ARHGDIA: variants seen among roughly 807,000 people sequenced by gnomAD.
ARHGDIA encodes the protein rho GDP-dissociation inhibitor 1.
A neutral mutation model predicts 25.0 loss-of-function variants in ARHGDIA; 9 were observed. That is an observed-to-expected ratio of 0.36 (90% CI 0.22 to 0.63). The LOEUF (loss-of-function observed/expected upper bound fraction) is 0.63. Ranked by LOEUF, ARHGDIA falls within the 20% of genes least tolerant of loss-of-function variation. The pLI is 0.69. For synonymous variants in ARHGDIA, 166 were observed against 111.5 expected (o/e 1.49, Z -3.08); for missense variants, 239 against 264.3 (o/e 0.90, Z 0.66).
chr17:81,868,647 A>G lies in ARHGDIA; in HGVS notation c.*229T>C, dbSNP rs1488772782. On this transcript the variant is annotated 3_prime_UTR_variant, in exon 6 of 6. Coordinates refer to ENST00000269321, the MANE Select transcript of ARHGDIA (RefSeq NM_004309.6). ...GGCCTCTCTCCCCCACAGCACAGGC[A>G]GAAGCAGCAACGAGACAGGAGACCG... The G allele has an allele frequency of 6.5e-7, 1 of 1,535,190 alleles. No homozygotes were observed. Among genetic ancestry groups the G allele is most frequent in the African/African-American group, 1.4e-5 (1 of 73,026 alleles).
At chr17:81,869,687 G>C in intron 2 of ARHGDIA, 54 bp downstream of exon 2, 1 of 1,560,914 alleles carries the variant, frequency 6.4e-7, no homozygotes. Context: ...CTGGGGAGCG[G>C]CAAGACAGCT....
chr17:81,868,562 C>T lies in ARHGDIA; in HGVS notation c.*314G>A, dbSNP rs777514732. ...TCCGCTCCCTCCTGAAGCCAGGCCT[C>T]GGGTGTGACGGGGAGATAGAACCTG... is the stretch of plus-strand genomic sequence containing the variant. On this transcript the variant is annotated 3_prime_UTR_variant, in exon 6 of 6. Coordinates refer to ENST00000269321, the MANE Select transcript of ARHGDIA (RefSeq NM_004309.6). The T allele has an allele frequency of 2.5e-5, 39 of 1,534,806 alleles. No individual in the cohort carries two copies. Among genetic ancestry groups the T allele is most frequent in the African/African-American group, 4.1e-5 (3 of 73,004 alleles).
In ARHGDIA at chr17:81,869,835, C is replaced by T; in HGVS notation, c.96G>A (p.Gln32=). The T allele has an allele frequency of 6.2e-7, 1 of 1,614,148 alleles. No homozygotes were observed. Among genetic ancestry groups the T allele is most frequent in the South Asian group, 1.1e-5 (1 of 91,090 alleles). The change falls in exon 2 of 6, where the codon CAG becomes CAA. Residue 32 remains glutamine, a synonymous_variant. Transcript: ENST00000269321. ...EHSVNYKPPA[Q]KSIQEIQELD... Reference sequence around the variant, plus strand: ...GCTCCTGGATCTCCTGGATGCTCTTCTGGGCCGGGGGCTTGTAGTTGACCG... The same window carrying T: ...GCTCCTGGATCTCCTGGATGCTCTTTTGGGCCGGGGGCTTGTAGTTGACCG...
In ARHGDIA at chr17:81,867,992, G is replaced by A. The variant is rs1446850206; in HGVS notation, c.*884C>T. ...AGGCAATAAATACTGATGGCCAGGC[G>A]GGGCTCCTGGCTGGGCCCAGGTGGG... is the stretch of plus-strand genomic sequence containing the variant. On this transcript the variant is annotated 3_prime_UTR_variant, in exon 6 of 6. Transcript: ENST00000269321. 2 of 194,028 alleles carry A rather than the reference G, an allele frequency of 1.0e-5. No homozygotes were observed. Among genetic ancestry groups the A allele is most frequent in the East Asian group, 1.2e-4 (1 of 8,308 alleles). The allele number at this position is 194,028 out of a possible 1,614,324, so 12.0% of individuals were successfully genotyped here. A position where few individuals can be genotyped will look rare whatever the true frequency, so the allele number is the denominator to read the frequency against.
chr17:81,868,658 C>T lies in ARHGDIA; in HGVS notation c.*218G>A, dbSNP rs901315268. 2.0e-5 allele frequency: 31 copies of T among 1,534,926 alleles called. No homozygotes were observed. The highest frequency in any genetic ancestry group is 2.5e-5 in the Non-Finnish European group (29 of 1,146,750). On this transcript the variant is annotated 3_prime_UTR_variant, in exon 6 of 6. Transcript: ENST00000269321. ...CCCACAGCACAGGCAGAAGCAGCAA[C>T]GAGACAGGAGACCGAGGAGGCTGGG...
chr17:81,869,515 G>A (rs1390101636), intron 3 of ARHGDIA, 27 bp downstream of exon 3: 2 of 1,604,196 alleles, frequency 1.2e-6, no homozygotes, highest in Non-Finnish European at 1.7e-6. Flanking sequence ...GGGGCCGCCC[G>A]GACCCCCGCG....
chr17:81,870,300 A>G (rs1369580886), intron 1 of ARHGDIA: 3 of 255,436 alleles, frequency 1.2e-5, no homozygotes, highest in African/African-American at 6.7e-5. Flanking sequence ...ACCCTCTCTT[A>G]GGGTCTTGCC....
At position 81,868,233 on chromosome 17, in the gene ARHGDIA, G is replaced by T; in HGVS notation, c.*643C>A. Reference sequence around the variant, plus strand: ...GGCTGGCCAGGCACTGGTGGGCTGGGGAGCAGCAGCAGCACACCCCACGTG... The same window carrying T: ...GGCTGGCCAGGCACTGGTGGGCTGGTGAGCAGCAGCAGCACACCCCACGTG... On this transcript the variant is annotated 3_prime_UTR_variant, in exon 6 of 6. Transcript: ENST00000269321. 2 of 889,764 alleles carry T rather than the reference G, an allele frequency of 2.2e-6. No individual in the cohort carries two copies. The highest frequency in any genetic ancestry group is 3.2e-6 in the Non-Finnish European group (2 of 619,860). 55.1% of individuals were successfully genotyped at this position (889,764 alleles called of 1,614,324 possible). A position where few individuals can be genotyped will look rare whatever the true frequency, so the allele number is the denominator to read the frequency against.
Position 81,868,284 on chromosome 17 carries a change from G to C in ARHGDIA, c.*592C>G, listed in dbSNP as rs1246396692. 1.5e-6 allele frequency: 2 copies of C among 1,323,414 alleles called. No homozygotes were observed. The highest frequency in any genetic ancestry group is 5.3e-5 in the East Asian group (2 of 38,010). 82.0% of individuals were successfully genotyped at this position (1,323,414 alleles called of 1,614,324 possible). A position where few individuals can be genotyped will look rare whatever the true frequency, so the allele number is the denominator to read the frequency against. On this transcript the variant is annotated 3_prime_UTR_variant, in exon 6 of 6. Coordinates refer to ENST00000269321, the MANE Select transcript of ARHGDIA (RefSeq NM_004309.6). Reference sequence around the variant, plus strand: ...TCCCTGGGTCACTGGGTTCGCCACCGGGGAAGGGACGGGGAGGCCACATGC... The same window carrying C: ...TCCCTGGGTCACTGGGTTCGCCACCCGGGAAGGGACGGGGAGGCCACATGC...
rs771726740 is a variant in ARHGDIA, at chr17:81,868,016, GGGTGA to G, written c.*855_*859del. The G allele has an allele frequency of 1.4e-5, 3 of 217,840 alleles. No individual in the cohort carries two copies. The highest frequency in any genetic ancestry group is 2.7e-5 in the Non-Finnish European group (3 of 110,268). The allele number at this position is 217,840 out of a possible 1,614,324, so 13.5% of individuals were successfully genotyped here. On this transcript the variant is annotated 3_prime_UTR_variant, in exon 6 of 6. Transcript: ENST00000269321. ...CGGGGCTCCTGGCTGGGCCCAGGTG[GGGTGA>G]GTGAGGCTGTCCATCGAGGGCTCTT...
chr17:81,868,329 T>C lies in ARHGDIA; in HGVS notation c.*547A>G. 5.6e-6 allele frequency: 8 copies of C among 1,419,122 alleles called. No homozygotes were observed. Among genetic ancestry groups the C allele is most frequent in the Non-Finnish European group, 7.4e-6 (8 of 1,087,446 alleles). 87.9% of individuals were successfully genotyped at this position (1,419,122 alleles called of 1,614,324 possible). ...ACATGCTCATGCAGACACAGGGAGT[T>C]AGAGGCTAGTGAGGCCCCACGGTAC... is the stretch of plus-strand genomic sequence containing the variant. On this transcript the variant is annotated 3_prime_UTR_variant, in exon 6 of 6. Transcript: ENST00000269321.
In ARHGDIA at chr17:81,869,409, G is replaced by A. The variant is rs1335463552; in HGVS notation, c.275-3C>T. 1 of 1,613,678 alleles carries A rather than the reference G, an allele frequency of 6.2e-7. No individual in the cohort carries two copies. Among genetic ancestry groups the A allele is most frequent in the East Asian group, 2.2e-5 (1 of 44,894 alleles). ...CTTCTTGAAGCTCTCCAGGTCGCCT[G>A]TTGGGGGGACCTCCCCCTCAATGAC... On this transcript the variant is annotated splice_polypyrimidine_tract_variant and splice_region_variant and intron_variant, in intron 3 of 5. Coordinates refer to ENST00000269321, the MANE Select transcript of ARHGDIA (RefSeq NM_004309.6).
At position 81,868,506 on chromosome 17, in the gene ARHGDIA, G is replaced by A. The variant is rs1401713754; in HGVS notation, c.*370C>T. On this transcript the variant is annotated 3_prime_UTR_variant, in exon 6 of 6. Transcript: ENST00000269321. ...CCGGAGCAGCAGACGCACACGTCCA[G>A]GGGCAACCACGGGGCCTGGAGAATG... 1.3e-6 allele frequency: 2 copies of A among 1,530,086 alleles called. No individual in the cohort carries two copies. Among genetic ancestry groups the A allele is most frequent in the Middle Eastern group, 1.7e-4 (1 of 5,982 alleles). 94.8% of individuals were successfully genotyped at this position (1,530,086 alleles called of 1,614,324 possible).
chr17:81,869,002 C>T lies in ARHGDIA; in HGVS notation c.489G>A (p.Glu163=). The part of the protein sequence containing the change: ...AEEYEFLTPV[E]EAPKGMLARG... Reference sequence around the variant, plus strand: ...GGGCCAGCATACCCTTGGGTGCCTCCTCCACGGGGGTCAGGAACTCGTACT... The same window carrying T: ...GGGCCAGCATACCCTTGGGTGCCTCTTCCACGGGGGTCAGGAACTCGTACT... The change falls in exon 6 of 6, where the codon GAG becomes GAA. Residue 163 remains glutamate, a synonymous_variant. Transcript: ENST00000269321. The T allele has an allele frequency of 1.9e-6, 3 of 1,613,776 alleles. No individual in the cohort carries two copies. The highest frequency in any genetic ancestry group is 2.5e-6 in the Non-Finnish European group (3 of 1,179,988).
chr17:81,869,886 T>G lies in ARHGDIA; in HGVS notation c.45A>C (p.Ala15=). The G allele has an allele frequency of 1.2e-6, 2 of 1,614,040 alleles. No homozygotes were observed. Among genetic ancestry groups the G allele is most frequent in the East Asian group, 2.2e-5 (1 of 44,882 alleles). The change falls in exon 2 of 6, where the codon GCA becomes GCC. Residue 15 remains alanine (A), a synonymous_variant. Coordinates refer to ENST00000269321, the MANE Select transcript of ARHGDIA (RefSeq NM_004309.6). ...EPTAEQLAQI[A]AENEEDEHSV... ...AGTGCTCATCCTCCTCGTTCTCCGCTGCAATCTGGGCCAGCTGCTCGGCTG... is the reference window on the plus strand; with the variant it reads ...AGTGCTCATCCTCCTCGTTCTCCGCGGCAATCTGGGCCAGCTGCTCGGCTG...
In ARHGDIA at chr17:81,869,925, A is replaced by T. The variant is rs1387243175; in HGVS notation, c.6T>A (p.Ala2=). The change falls in exon 2 of 6, where the codon GCT becomes GCA. Residue 2 remains alanine, a synonymous_variant. Coordinates refer to ENST00000269321, the MANE Select transcript of ARHGDIA (RefSeq NM_004309.6). M[A]EQEPTAEQLA... ...GCTGCTCGGCTGTGGGCTCCTGCTC[A>T]GCCATGCTCAAGCTTAGCCTGGGTC... 4 of 1,613,282 alleles carry T rather than the reference A, an allele frequency of 2.5e-6. No homozygotes were observed. The highest frequency in any genetic ancestry group is 2.5e-6 in the Non-Finnish European group (3 of 1,179,984).
At chr17:81,870,094 C>T in intron 1 of ARHGDIA, 137 bp from the exon 2 acceptor site, 1 of 823,420 alleles carries the variant, frequency 1.2e-6, no homozygotes, top group Non-Finnish European at 1.9e-6. Flanking sequence ...CCCCGCGATT[C>T]CTGCTCAGGG....
At chr17:81,869,273 C>A (rs935382178) in intron 4 of ARHGDIA, 37 bp from the exon 5 acceptor site, 4 of 1,614,088 alleles carry the variant, frequency 2.5e-6, no homozygotes, top group Non-Finnish European at 3.4e-6. Flanking sequence ...GAAGGTCGGT[C>A]CGGACCCCAG....
chr17:81,868,242 GCAGCACACC>G lies in ARHGDIA; in HGVS notation c.*625_*633del. 2 of 950,494 alleles carry G rather than the reference GCAGCACACC, an allele frequency of 2.1e-6. No individual in the cohort carries two copies. The highest frequency in any genetic ancestry group is 4.2e-5 in the South Asian group (2 of 47,404). The allele number at this position is 950,494 out of a possible 1,614,324, so 58.9% of individuals were successfully genotyped here. A position where few individuals can be genotyped will look rare whatever the true frequency, so the allele number is the denominator to read the frequency against. ...GGCACTGGTGGGCTGGGGAGCAGCA[GCAGCACACC>G]CCACGTGTCCCTGGGTCACTGGGTT... On this transcript the variant is annotated 3_prime_UTR_variant, in exon 6 of 6. Coordinates refer to ENST00000269321, the MANE Select transcript of ARHGDIA (RefSeq NM_004309.6).
Sources: allele counts gnomAD v4.1 joint callset, GRCh38; gene constraint gnomAD v4.1.1; transcripts MANE v1.5; gene names NCBI Gene and HGNC (gene_info 2026-07-23, HGNC 2026-07-21).